LSAMP: variants seen among roughly 807,000 people sequenced by gnomAD.
LSAMP encodes limbic system associated membrane protein.
LSAMP carries 7 observed loss-of-function variants against 38.6 expected under a neutral mutation model. That is an observed-to-expected ratio of 0.18 (90% CI 0.10 to 0.34). LSAMP has a LOEUF of 0.34. LSAMP is among the 10% of genes least tolerant of loss of function. The pLI is 1.00. For missense variants in LSAMP, 313 were observed against 420.0 expected, an observed-to-expected ratio of 0.75 and a Z score of 2.23; for synonymous variants, 154 against 166.8, an observed-to-expected ratio of 0.92 and a Z score of 0.59.
At chr3:115,981,211 G>C (rs945301669) in intron 3 of LSAMP, among the ~76,000 whole-genome samples, 1 of 152,078 alleles carries the variant, frequency 6.6e-6, no homozygotes, top group Non-Finnish European at 1.5e-5. Context: ...ATTTGGATAG[G>C]GCTAAAAGGT....
At position 115,807,291 on chromosome 3, in the gene LSAMP, C is replaced by A. The variant is rs1933652317; in HGVS notation, c.*3026G>T. On this transcript the variant is annotated 3_prime_UTR_variant, in exon 7 of 7. Transcript: ENST00000490035. ...ACACTGCTTAGGGAACACTTTCAAT[C>A]CTATGAAATTTCTGGGGACAATGTT... is the stretch of plus-strand genomic sequence containing the variant. The A allele has an allele frequency of 6.6e-6, 1 of 152,140 alleles. No homozygotes were observed. 9.4% of individuals were successfully genotyped at this position (152,140 alleles called of 1,614,324 possible). A position where few individuals can be genotyped will look rare whatever the true frequency, so the allele number is the denominator to read the frequency against.
chr3:116,107,406 C>T (rs1708492965), intron 1 of LSAMP, among the ~76,000 whole-genome samples: 3 of 152,102 alleles, frequency 2.0e-5, no homozygotes, highest in East Asian at 1.9e-4. Flanking sequence ...AGCCGCTGCA[C>T]GCAGACATGA....
chr3:116,440,481 T>G, intron 1 of LSAMP, among the ~76,000 whole-genome samples: 1 of 152,138 alleles, frequency 6.6e-6, no homozygotes, highest in East Asian at 1.9e-4. Context: ...CCACATAAAA[T>G]AAAAATCTCC....
At chr3:115,894,329 A>G (rs549379136) in intron 3 of LSAMP, among the ~76,000 whole-genome samples, 51 of 152,018 alleles carry the variant, frequency 3.4e-4, no homozygotes, top group African/African-American at 1.2e-3. Context: ...TTTTGTCCCT[A>G]TTTACATGCA....
At chr3:116,196,945 C>G (rs1234407045) in intron 1 of LSAMP, among the ~76,000 whole-genome samples, 2 of 152,082 alleles carry the variant, frequency 1.3e-5, no homozygotes, top group Non-Finnish European at 1.5e-5. Flanking sequence ...ATTGCTATGT[C>G]TCTCATTCGT....
intron 2 of LSAMP, among the ~76,000 whole-genome samples, chr3:116,080,255 A>G (rs889990195): frequency 4.6e-5 from 7 of 152,154 alleles, no homozygotes; most frequent in Admixed American, 1.3e-4. Flanking sequence ...ATATTAGTTA[A>G]TCTCTGTCTT....
intron 1 of LSAMP, among the ~76,000 whole-genome samples, chr3:116,161,824 A>G (rs985122467): frequency 2.0e-5 from 3 of 152,172 alleles, no homozygotes; most frequent in Admixed American, 6.6e-5. Flanking sequence ...TAGTGGGAAT[A>G]AGAAGCCTCA....
intron 3 of LSAMP, among the ~76,000 whole-genome samples, chr3:116,007,089 A>G (rs1171914793): frequency 6.6e-6 from 1 of 152,216 alleles, no homozygotes; most frequent in Non-Finnish European, 1.5e-5. Flanking sequence ...ATATTTGCCA[A>G]CTGAATTATT....
At chr3:116,337,295 C>A (rs1287987787) in intron 1 of LSAMP, among the ~76,000 whole-genome samples, 3 of 152,016 alleles carry the variant, frequency 2.0e-5, no homozygotes, top group Admixed American at 6.6e-5. Context: ...CTAAACTACA[C>A]ATTTGAAATG....
At chr3:115,985,211 T>C (rs1939475596) in intron 3 of LSAMP, among the ~76,000 whole-genome samples, 1 of 152,164 alleles carries the variant, frequency 6.6e-6, no homozygotes, top group Non-Finnish European at 1.5e-5. Context: ...ATAGCTATTA[T>C]TAAATATCCT....
chr3:115,829,648 G>A (rs1355821166), intron 6 of LSAMP, among the ~76,000 whole-genome samples: 5 of 152,208 alleles, frequency 3.3e-5, no homozygotes, highest in African/African-American at 1.2e-4. Flanking sequence ...AAGGGCATCC[G>A]CTGAAAGTGT....
At chr3:116,073,729 T>C (rs1018978257) in intron 2 of LSAMP, among the ~76,000 whole-genome samples, 3 of 152,242 alleles carry the variant, frequency 2.0e-5, no homozygotes, top group African/African-American at 7.2e-5. Flanking sequence ...ACTGAGACCA[T>C]GCTACTACTT....
intron 2 of LSAMP, among the ~76,000 whole-genome samples, chr3:116,084,648 TTC>T (rs1707948222): frequency 6.6e-6 from 1 of 152,142 alleles, no homozygotes; most frequent in Non-Finnish European, 1.5e-5. Context: ...GTCAAATTTA[TTC>T]AGTATAGGAT....
intron 1 of LSAMP, chr3:116,368,404 T>C (rs2048384139): frequency 6.6e-6 from 1 of 152,200 alleles, no homozygotes; most frequent in African/African-American, 2.4e-5. Context: ...TGAAGATACA[T>C]TGTTTTTTTT....
intron 1 of LSAMP, among the ~76,000 whole-genome samples, chr3:116,248,476 A>AGTGTGTGTGT (rs1559798607): frequency 9.7e-6 from 1 of 102,804 alleles, no homozygotes; most frequent in African/African-American, 4.7e-5. Context: ...CCCTGTCTCT[A>AGTGTGTGTGT]ATGTGTGTGT....
chr3:115,804,994 A>T lies in LSAMP; in HGVS notation c.*5323T>A, dbSNP rs560999169. 1 of 152,128 alleles carries T rather than the reference A, an allele frequency of 6.6e-6. No homozygotes were observed. Among genetic ancestry groups the T allele is most frequent in the South Asian group, 2.1e-4 (1 of 4,828 alleles). 9.4% of individuals were successfully genotyped at this position (152,128 alleles called of 1,614,324 possible). A position where few individuals can be genotyped will look rare whatever the true frequency, so the allele number is the denominator to read the frequency against. Reference sequence around the variant, plus strand: ...TAGAATCCAGATGGCAAGCTTTCCCACTGCTTTTGTTGAATGGAAAATAAA... The same window carrying T: ...TAGAATCCAGATGGCAAGCTTTCCCTCTGCTTTTGTTGAATGGAAAATAAA... On this transcript the variant is annotated 3_prime_UTR_variant, in exon 7 of 7. Coordinates refer to ENST00000490035, the MANE Select transcript of LSAMP (RefSeq NM_002338.5).
chr3:115,912,354 C>T (rs190741903), intron 3 of LSAMP, among the ~76,000 whole-genome samples: 4 of 152,178 alleles, frequency 2.6e-5, no homozygotes, highest in African/African-American at 9.6e-5. Flanking sequence ...TTAATTTTTT[C>T]TTTTTGTGCA....
intron 3 of LSAMP, among the ~76,000 whole-genome samples, chr3:115,896,307 A>C (rs1256830618): frequency 2.0e-5 from 3 of 152,108 alleles, no homozygotes; most frequent in Non-Finnish European, 4.4e-5. Context: ...GTAGCTAAAA[A>C]TAATGGTCTT....
At chr3:116,001,374 A>G (rs1273556952) in intron 3 of LSAMP, among the ~76,000 whole-genome samples, 5 of 152,208 alleles carry the variant, frequency 3.3e-5, no homozygotes, top group African/African-American at 9.6e-5. Context: ...GTACAGGCAT[A>G]TATTCCGTAT....
Sources: gnomAD v4.1 joint callset for allele counts (sites outside exome capture counted in the v4.1 genomes callset) on GRCh38, gnomAD v4.1.1 for gene constraint, MANE v1.5 for transcripts, NCBI Gene and HGNC (gene_info 2026-07-23, HGNC 2026-07-21) for gene names.